Variants in THSD4 observed in about 807,000 individuals in gnomAD.
THSD4 encodes the protein thrombospondin type 1 domain containing 4, also known as thrombospondin type-1 domain-containing protein 4.
A neutral mutation model predicts 119.0 loss-of-function variants in THSD4; 69 were observed. That is an observed-to-expected ratio of 0.58 (90% CI 0.48 to 0.71). THSD4 has a LOEUF of 0.71. Ranked by LOEUF, THSD4 falls within the 30% of genes least tolerant of loss-of-function variation. The pLI, the probability that THSD4 is intolerant of heterozygous loss-of-function variation, is 0.00. For missense variants in THSD4, 1,393 were observed against 1,391.1 expected, an observed-to-expected ratio of 1.00 and a Z score of -0.02; for synonymous variants, 524 against 540.4, an observed-to-expected ratio of 0.97 and a Z score of 0.42.
At chr15:71,628,520 G>T (rs773064475) in intron 7 of THSD4, among the ~76,000 whole-genome samples, 1 of 152,182 alleles carries the variant, frequency 6.6e-6, no homozygotes, top group African/African-American at 2.4e-5. Flanking sequence ...GACCAGGGCT[G>T]CTCACCCTTT....
chr15:71,210,084 T>C (rs1395960578), intron 3 of THSD4, among the ~76,000 whole-genome samples: 1 of 152,218 alleles, frequency 6.6e-6, no homozygotes, highest in Non-Finnish European at 1.5e-5. Flanking sequence ...TTAAACGCTA[T>C]CACTCCAATT....
chr15:71,606,509 A>G (rs558422416), intron 7 of THSD4, among the ~76,000 whole-genome samples: 45 of 14,090 alleles, frequency 3.2e-3, no homozygotes, highest in Admixed American at 4.5e-3. Flanking sequence ...CCCAGAAATA[A>G]CATTTCAAAT....
At chr15:71,573,997 G>A (rs187174630) in intron 7 of THSD4, among the ~76,000 whole-genome samples, 12 of 152,288 alleles carry the variant, frequency 7.9e-5, no homozygotes, top group African/African-American at 2.9e-4. Flanking sequence ...GTGAATGCCT[G>A]CAGTTCAGAT....
intron 6 of THSD4, among the ~76,000 whole-genome samples, chr15:71,270,939 A>C (rs2044521654): frequency 6.6e-6 from 1 of 152,066 alleles, no homozygotes; most frequent in Non-Finnish European, 1.5e-5. Flanking sequence ...GATGTTCTGT[A>C]GATGTGAGGA....
At chr15:71,301,725 C>G (rs761093828) in intron 6 of THSD4, among the ~76,000 whole-genome samples, 9 of 152,136 alleles carry the variant, frequency 5.9e-5, no homozygotes, top group Admixed American at 5.2e-4. Context: ...AGACCTCCTC[C>G]GGTAATATGA....
At chr15:71,214,444 G>A (rs922859910) in intron 3 of THSD4, among the ~76,000 whole-genome samples, 2 of 152,236 alleles carry the variant, frequency 1.3e-5, no homozygotes, top group Admixed American at 6.5e-5. Context: ...AAGTCAGCAA[G>A]ACAACGAACC....
intron 6 of THSD4, among the ~76,000 whole-genome samples, chr15:71,383,281 T>A (rs2046250023): frequency 6.6e-6 from 1 of 152,216 alleles, no homozygotes; most frequent in South Asian, 2.1e-4. Flanking sequence ...CTGTTTGACT[T>A]ATCCCCTTTT....
chr15:71,532,270 G>GAC (rs1183413269), intron 7 of THSD4, among the ~76,000 whole-genome samples: 1 of 118,524 alleles, frequency 8.4e-6, no homozygotes, highest in Admixed American at 8.5e-5. Context: ...GGGTGAGAGA[G>GAC]AGAGAGAGAG....
At chr15:71,613,493 A>G (rs2050267249) in intron 7 of THSD4, among the ~76,000 whole-genome samples, 1 of 152,218 alleles carries the variant, frequency 6.6e-6, no homozygotes, top group South Asian at 2.1e-4. Context: ...TTACAACTTA[A>G]TCTTTAGCCA....
chr15:71,551,143 A>G (rs1199459768), intron 7 of THSD4, among the ~76,000 whole-genome samples: 1 of 152,216 alleles, frequency 6.6e-6, no homozygotes, highest in Non-Finnish European at 1.5e-5. Flanking sequence ...TAGATGTGTA[A>G]TGAAATGACT....
At chr15:71,336,382 A>G (rs2045489980) in intron 6 of THSD4, among the ~76,000 whole-genome samples, 1 of 152,266 alleles carries the variant, frequency 6.6e-6, no homozygotes, top group Non-Finnish European at 1.5e-5. Context: ...AATTCAAGTT[A>G]TAGAAAAGTT....
intron 7 of THSD4, among the ~76,000 whole-genome samples, chr15:71,605,460 C>A (rs1183299457): frequency 6.6e-6 from 1 of 152,270 alleles, no homozygotes; most frequent in East Asian, 1.9e-4. Flanking sequence ...GGGGAACAGA[C>A]AATAAGTGGA....
rs774534632 is a variant in THSD4 at position 71,757,998 on chromosome 15, C to T, written c.2512C>T (p.Arg838Trp). 6 of 1,613,830 alleles carry T rather than the reference C, an allele frequency of 3.7e-6. No individual in the cohort carries two copies. The highest frequency in any genetic ancestry group is 4.2e-6 in the Non-Finnish European group (5 of 1,179,962). Reference sequence around the variant, plus strand: ...GCCCCTGGAGGGCTGTGGGAACAACCGGCCGGCAGAGGCCACCCCATGTGA... The same window carrying T: ...GCCCCTGGAGGGCTGTGGGAACAACTGGCCGGCAGAGGCCACCCCATGTGA... ...SLPLEGCGNN[R>W]PAEATPCDNG... The change falls in exon 15 of 18, where the codon CGG becomes TGG. Residue 838 changes from arginine (R) to tryptophan (W), a missense_variant. Transcript: ENST00000261862.
At chr15:71,245,821 T>A (rs1022834180) in intron 5 of THSD4, among the ~76,000 whole-genome samples, 17 of 152,148 alleles carry the variant, frequency 1.1e-4, no homozygotes, top group African/African-American at 3.6e-4. Flanking sequence ...TAGGGAGTGG[T>A]GAGAACTGCC....
chr15:71,256,840 T>C (rs2044323674), intron 6 of THSD4, 125 bp downstream of exon 6: 1 of 810,152 alleles, frequency 1.2e-6, no homozygotes, highest in African/African-American at 1.7e-5. Context: ...GGAGAAAGTG[T>C]GACTCCAGGG....
In THSD4 at chr15:71,529,210, C is replaced by T. The variant is rs144059295; in HGVS notation, c.1152+117387C>T. ...TTGTGTGGAGCTTTACCCTCCCTGCCCACCATCTGAGTTTTACCCTAGCAA... is the reference window on the plus strand; with the variant it reads ...TTGTGTGGAGCTTTACCCTCCCTGCTCACCATCTGAGTTTTACCCTAGCAA... On this transcript the variant is annotated intron_variant, in intron 7 of 17. Coordinates refer to ENST00000261862, the MANE Select transcript of THSD4 (RefSeq NM_024817.3). Among the ~76,000 whole-genome samples, 4 of 152,310 alleles carry T rather than the reference C, an allele frequency of 2.6e-5. No individual in the cohort carries two copies. In the East Asian group the frequency reaches 7.7e-4, roughly 29 times the overall value.
intron 3 of THSD4, among the ~76,000 whole-genome samples, chr15:71,199,496 T>TGTGG (rs1440084433): frequency 2.5e-5 from 2 of 79,762 alleles, no homozygotes; most frequent in Admixed American, 1.6e-4. Flanking sequence ...GGGGTGTGTG[T>TGTGG]GGTGTGTGTG....
chr15:71,299,388 T>C (rs925491338), intron 6 of THSD4, among the ~76,000 whole-genome samples: 3 of 152,214 alleles, frequency 2.0e-5, no homozygotes, highest in African/African-American at 7.2e-5. Flanking sequence ...GCAGGCTGCA[T>C]TGAGCAAAAG....
At chr15:71,766,065 T>C (rs539915174) in intron 16 of THSD4, among the ~76,000 whole-genome samples, 13 of 152,158 alleles carry the variant, frequency 8.5e-5, no homozygotes, top group Non-Finnish European at 1.9e-4. Flanking sequence ...TAAGTCTTTC[T>C]CAAGTCATTT....
Sources: gnomAD v4.1 joint callset for allele counts (sites outside exome capture counted in the v4.1 genomes callset) on GRCh38, gnomAD v4.1.1 for gene constraint, MANE v1.5 for transcripts, NCBI Gene and HGNC (gene_info 2026-07-23, HGNC 2026-07-21) for gene names.